Variants in NOTCH2 observed in about 807,000 individuals in gnomAD.
NOTCH2 encodes the protein notch receptor 2.
NOTCH2 carries 29 observed loss-of-function variants against 235.8 expected under a neutral mutation model. The ratio of observed to expected loss-of-function variants is 0.12; its 90% CI spans 0.09 to 0.17. The LOEUF is 0.17. NOTCH2 is among the 10% of genes least tolerant of loss of function. NOTCH2 has a pLI of 1.00. For missense variants in NOTCH2, 2,285 were observed against 3,150.2 expected (o/e 0.73, Z 6.57); for synonymous variants, 1,086 against 1,141.5 (o/e 0.95, Z 0.98).
chr1:119,919,969 T>G (rs1267402940), intron 30 of NOTCH2, among the ~76,000 whole-genome samples: 1 of 152,258 alleles, frequency 6.6e-6, no homozygotes, highest in African/African-American at 2.4e-5. Context: ...ATATTATTTT[T>G]CTATCCCACT....
rs1252973323 is a variant in NOTCH2 at position 119,918,448 on chromosome 1, G to T, written c.5887C>A (p.Leu1963Met). Residue 1963 changes from leucine to methionine, a missense_variant, in exon 32 of 34, where the codon CTG (leucine) becomes ATG (methionine). Leu to Met is a conservative substitution (Grantham distance 15, BLOSUM62 2). This residue lies in a region of NOTCH2 where 128 missense variants were observed against 255.9 expected (regional missense o/e 0.50). Coordinates refer to ENST00000256646, the MANE Select transcript of NOTCH2 (RefSeq NM_024408.4). ...RLAVEGMVAE[L>M]INCQADVNAV... is the part of the protein sequence containing the mutation. ...TTCACATCCGCTTGGCAGTTGATCA[G>T]TTCTGCCACCATTCCCTCCACAGCC... 1 of 1,614,050 alleles carries T rather than the reference G, an allele frequency of 6.2e-7. No homozygotes were observed. The highest frequency in any genetic ancestry group is 8.5e-7 in the Non-Finnish European group (1 of 1,180,036).
At chr1:120,051,228 A>ACACAC (rs1654975508) in intron 1 of NOTCH2, among the ~76,000 whole-genome samples, 2 of 80,504 alleles carry the variant, frequency 2.5e-5, no homozygotes, top group Non-Finnish European at 2.1e-5. Flanking sequence ...TCCTCCTCCC[A>ACACAC]ACACACACAC....
chr1:119,999,833 G>C (rs1413854001), intron 3 of NOTCH2, among the ~76,000 whole-genome samples: 1 of 151,356 alleles, frequency 6.6e-6, no homozygotes, highest in East Asian at 1.9e-4. Flanking sequence ...AGTGAGCCGA[G>C]ACTGCGCCAC....
At chr1:119,966,552 G>T in intron 8 of NOTCH2, 63 bp from the exon 9 acceptor site, 1 of 1,107,286 alleles carries the variant, frequency 9.0e-7, no homozygotes, top group Non-Finnish European at 1.4e-6. Context: ...AGACAAGGAA[G>T]CACAAATTTG....
rs74117504 is a variant in NOTCH2 at position 119,925,694 on chromosome 1, G to A, written c.4122C>T (p.Cys1374=). 423 of 1,612,166 alleles carry A rather than the reference G, an allele frequency of 2.6e-4. 7 individuals are homozygous for A. In the African/African-American group the frequency reaches 4.3e-3, roughly 16 times the overall value. ...PRCFCPSPRD[C]ESGCASSPCQ... Reference sequence around the variant, plus strand: ...AGGGGCTACTGGCACAGCCTGACTCGCAGTCCCGGGGACTGGGGCAGAAGC... The same window carrying A: ...AGGGGCTACTGGCACAGCCTGACTCACAGTCCCGGGGACTGGGGCAGAAGC... The change falls in exon 25 of 34, where the codon TGC becomes TGT. Residue 1374 remains cysteine (C), a synonymous_variant. Transcript: ENST00000256646.
At chr1:119,960,629 C>T (rs1283832821) in intron 11 of NOTCH2, among the ~76,000 whole-genome samples, 3 of 151,696 alleles carry the variant, frequency 2.0e-5, no homozygotes, top group African/African-American at 4.8e-5. Context: ...GAAAACAAAA[C>T]ATCCAGGATA....
In NOTCH2 at chr1:119,939,352, A is replaced by G. The variant is rs185575792; in HGVS notation, c.3183+1203T>C. Among the ~76,000 whole-genome samples the G allele has an allele frequency of 9.5e-4, 145 of 152,342 alleles. 1 individual carries two copies. The highest frequency in any genetic ancestry group is 6.8e-3 in the Middle Eastern group (2 of 294). On this transcript the variant is annotated intron_variant, in intron 19 of 33. Coordinates refer to ENST00000256646, the MANE Select transcript of NOTCH2 (RefSeq NM_024408.4). ...AACCCAACAGGTTAAGCTATTCCCA[A>G]TGCTCTAGACATGATTTGCCTACAT...
intron 14 of NOTCH2, 121 bp downstream of exon 14, chr1:119,953,422 C>T (rs782552710): frequency 2.1e-5 from 23 of 1,075,870 alleles, no homozygotes; most frequent in Non-Finnish European, 3.2e-5. Context: ...AGTCTAATTG[C>T]TCAATATGTT....
intron 4 of NOTCH2, chr1:119,995,569 G>A (rs1206051209): frequency 1.3e-5 from 2 of 152,160 alleles, no homozygotes; most frequent in African/African-American, 4.8e-5. Flanking sequence ...ATGCAGGAGT[G>A]AAGACAGACG....
chr1:119,926,076 T>C (rs1649462835), intron 24 of NOTCH2, among the ~76,000 whole-genome samples: 1 of 152,186 alleles, frequency 6.6e-6, no homozygotes. Flanking sequence ...AAGAGACAAC[T>C]TGCTTCCAAA....
At chr1:119,966,607 A>G in intron 8 of NOTCH2, 118 bp from the exon 9 acceptor site, 2 of 759,358 alleles carry the variant, frequency 2.6e-6, no homozygotes, top group South Asian at 1.4e-5. Flanking sequence ...TTCTGCAGAG[A>G]AAAAAGGAAC....
chr1:119,949,377 CTATT>C lies in NOTCH2; in HGVS notation c.2480-255_2480-252del, dbSNP rs1353943860. Among the ~76,000 whole-genome samples the C allele has an allele frequency of 3.5e-3, 512 of 145,038 alleles. 7 individuals carry two copies. Among genetic ancestry groups the C allele is most frequent in the Middle Eastern group, 0.011 (3 of 282 alleles). On this transcript the variant is annotated intron_variant, in intron 15 of 33. Transcript: ENST00000256646. ...TGTTAAATGTAGTTTCCCTACACTA[CTATT>C]TCTTTTTTTTTTTTTTTTTTTTTGA...
intron 2 of NOTCH2, among the ~76,000 whole-genome samples, chr1:120,025,708 T>C: frequency 9.8e-6 from 1 of 102,324 alleles, no homozygotes; most frequent in South Asian, 4.3e-4. Flanking sequence ...AACCCAGATG[T>C]TAAGAACCAG....
intron 5 of NOTCH2, among the ~76,000 whole-genome samples, chr1:119,975,877 T>G (rs1468969540): frequency 6.6e-6 from 1 of 151,910 alleles, no homozygotes; most frequent in Non-Finnish European, 1.5e-5. Flanking sequence ...CACAAACCAC[T>G]AATCTGATTT....
chr1:119,920,648 TC>T, intron 29 of NOTCH2, among the ~76,000 whole-genome samples: 1 of 152,294 alleles, frequency 6.6e-6, no homozygotes, highest in South Asian at 2.1e-4. Context: ...AGCCTTTAGA[TC>T]TCCAGAGCAC....
At chr1:119,922,561 C>T (rs1649322912) in intron 27 of NOTCH2, 75 bp downstream of exon 27, 1 of 1,608,014 alleles carries the variant, frequency 6.2e-7, no homozygotes, top group Non-Finnish European at 8.5e-7. Flanking sequence ...AAATAGAGGG[C>T]TACATAATGA....
At chr1:120,023,241 T>A (rs1553209353) in intron 2 of NOTCH2, among the ~76,000 whole-genome samples, 2 of 150,728 alleles carry the variant, frequency 1.3e-5, no homozygotes, top group Non-Finnish European at 3.0e-5. Flanking sequence ...ATAGAGACCA[T>A]CCTGGCTAAC....
intron 22 of NOTCH2, 116 bp from the exon 23 acceptor site, chr1:119,929,328 G>A (rs782533937): frequency 1.1e-5 from 9 of 829,934 alleles, no homozygotes; most frequent in Non-Finnish European, 1.9e-5. Context: ...TCCTCAACTG[G>A]TAGTGGGACC....
chr1:119,931,521 A>G (rs1434603044), intron 22 of NOTCH2, among the ~76,000 whole-genome samples: 2 of 152,202 alleles, frequency 1.3e-5, no homozygotes, highest in Admixed American at 6.5e-5. Context: ...CAGGAAAACT[A>G]TGAAGAAGAA....
Sources: gnomAD v4.1 joint callset for allele counts (sites outside exome capture counted in the v4.1 genomes callset) on GRCh38, gnomAD v4.1.1 for gene constraint, gnomAD v4.1.1 regional missense constraint, MANE v1.5 for transcripts, NCBI Gene and HGNC (gene_info 2026-07-23, HGNC 2026-07-21) for gene names.